Variants in LMOD1 observed in about 807,000 individuals in gnomAD.
LMOD1 encodes the protein leiomodin-1.
Under a neutral mutation model 36.5 loss-of-function variants are expected in LMOD1, and 8 were observed. That is an observed-to-expected ratio of 0.22 (90% CI 0.13 to 0.40). The LOEUF (loss-of-function observed/expected upper bound fraction) is 0.40. LMOD1 is among the 10% of genes least tolerant of loss of function. LMOD1 has a pLI of 1.00. For synonymous variants in LMOD1, 284 were observed against 288.7 expected (o/e 0.98, Z 0.17); for missense variants, 630 against 751.1 (o/e 0.84, Z 1.88).
chr1:201,940,145 G>A (rs1188162609), intron 1 of LMOD1, among the ~76,000 whole-genome samples: 1 of 147,096 alleles, frequency 6.8e-6, no homozygotes, highest in Non-Finnish European at 1.5e-5. Flanking sequence ...CTGTCCATCT[G>A]TCCTGCCTCC....
intron 1 of LMOD1, among the ~76,000 whole-genome samples, chr1:201,901,612 ACATATATATGTGTGTGTG>A: frequency 2.9e-5 from 1 of 34,418 alleles, no homozygotes; most frequent in Non-Finnish European, 5.7e-5. Context: ...ATATATATAC[ACATATATATGTGTGTGTG>A]TATATATATA....
At chr1:201,925,119 G>A (rs1228443737) in intron 1 of LMOD1, among the ~76,000 whole-genome samples, 1 of 152,100 alleles carries the variant, frequency 6.6e-6, no homozygotes, top group Non-Finnish European at 1.5e-5. Flanking sequence ...GGCTCAGGCA[G>A]GAGAATTGCT....
At position 201,897,796 on chromosome 1, in the gene LMOD1, C is replaced by G. The variant is rs1161343213; in HGVS notation, c.*576G>C. 3 of 153,174 alleles carry G rather than the reference C, an allele frequency of 2.0e-5. No homozygotes were observed. In the East Asian group the frequency reaches 5.8e-4, roughly 29 times the overall value. The allele number at this position is 153,174 out of a possible 1,614,324, so 9.5% of individuals were successfully genotyped here. A position where few individuals can be genotyped will look rare whatever the true frequency, so the allele number is the denominator to read the frequency against. Reference sequence around the variant, plus strand: ...CACTCCTCCTGTCTGGAGCCTACTCCCATCAGGCACTGTGCATCCAGGCCA... The same window carrying G: ...CACTCCTCCTGTCTGGAGCCTACTCGCATCAGGCACTGTGCATCCAGGCCA... On this transcript the variant is annotated 3_prime_UTR_variant, in exon 3 of 3. Coordinates refer to ENST00000367288, the MANE Select transcript of LMOD1 (RefSeq NM_012134.3).
intron 1 of LMOD1, among the ~76,000 whole-genome samples, chr1:201,905,548 T>C (rs556299007): frequency 2.6e-5 from 4 of 152,338 alleles, no homozygotes; most frequent in Non-Finnish European, 4.4e-5. Context: ...AAGTTTAAAA[T>C]GAGAACTTGC....
chr1:201,915,585 G>C (rs899164113), intron 1 of LMOD1, among the ~76,000 whole-genome samples: 7 of 152,078 alleles, frequency 4.6e-5, no homozygotes, highest in African/African-American at 1.7e-4. Flanking sequence ...GGGATCTGTG[G>C]GGAGGCAACG....
rs1224148964 is a variant in LMOD1 at position 201,901,645 on chromosome 1, TATAC to T, written c.262-898_262-895del. 4.3e-3 allele frequency among the ~76,000 whole-genome samples: 132 copies of T among 30,856 alleles called. 8 individuals carry two copies. In the South Asian group the frequency reaches 0.047, roughly 11 times the overall value. The allele number at this position is 30,856 out of a possible 152,430, so 20.2% of individuals were successfully genotyped here. ...ATGTGTGTGTGTATATATATATATA[TATAC>T]ATATATATGTGTATATATATATATA... On this transcript the variant is annotated intron_variant, in intron 1 of 2. Transcript: ENST00000367288.
At chr1:201,902,883 T>C (rs1224369296) in intron 1 of LMOD1, among the ~76,000 whole-genome samples, 1 of 152,174 alleles carries the variant, frequency 6.6e-6, no homozygotes, top group East Asian at 1.9e-4. Context: ...GCAGAGGAAG[T>C]GGCAGAGTTA....
At chr1:201,936,986 C>A (rs1478354077) in intron 1 of LMOD1, among the ~76,000 whole-genome samples, 1 of 152,050 alleles carries the variant, frequency 6.6e-6, no homozygotes, top group Non-Finnish European at 1.5e-5. Flanking sequence ...GTAGTGAAGA[C>A]CCTGACTACT....
intron 1 of LMOD1, among the ~76,000 whole-genome samples, chr1:201,919,892 C>T (rs183841754): frequency 5.3e-5 from 8 of 152,240 alleles, no homozygotes; most frequent in Admixed American, 3.3e-4. Flanking sequence ...CCTGCATCAC[C>T]TTCCAGTCCA....
At chr1:201,916,883 G>A (rs1011549802) in intron 1 of LMOD1, among the ~76,000 whole-genome samples, 1 of 152,194 alleles carries the variant, frequency 6.6e-6, no homozygotes, top group East Asian at 1.9e-4. Context: ...GAAACGCCAT[G>A]ATTCATTTTT....
chr1:201,934,483 T>C (rs182890666), intron 1 of LMOD1, among the ~76,000 whole-genome samples: 1 of 152,332 alleles, frequency 6.6e-6, no homozygotes, highest in East Asian at 1.9e-4. Flanking sequence ...TCACTGGTGT[T>C]ATCAGTCTCC....
At chr1:201,926,771 C>G (rs536199351) in intron 1 of LMOD1, among the ~76,000 whole-genome samples, 1 of 152,254 alleles carries the variant, frequency 6.6e-6, no homozygotes, top group South Asian at 2.1e-4. Context: ...AATCCCAGCA[C>G]TTTGGGAGGC....
intron 1 of LMOD1, among the ~76,000 whole-genome samples, chr1:201,912,279 C>T (rs1681508009): frequency 6.6e-6 from 1 of 152,150 alleles, no homozygotes. Flanking sequence ...ATTGCTCCAC[C>T]CCATTTTTAC....
intron 1 of LMOD1, among the ~76,000 whole-genome samples, chr1:201,929,749 G>A (rs2644131): frequency 0.46 from 69,352 of 152,034 alleles, 16,907 homozygotes; most frequent in Non-Finnish European, 0.56. Context: ...CATTAAGCCA[G>A]GGACTGTGTT....
chr1:201,904,520 C>G (rs80039996), intron 1 of LMOD1, among the ~76,000 whole-genome samples: 3 of 152,140 alleles, frequency 2.0e-5, no homozygotes, highest in African/African-American at 4.8e-5. Flanking sequence ...TCAATTTAAC[C>G]TTCTTTCTTC....
At chr1:201,931,893 C>A (rs569953002) in intron 1 of LMOD1, among the ~76,000 whole-genome samples, 1 of 150,840 alleles carries the variant, frequency 6.6e-6, no homozygotes, top group African/African-American at 2.4e-5. Flanking sequence ...AGGGCCAGAC[C>A]CTGTATCAAA....
At chr1:201,912,107 A>C (rs1412000542) in intron 1 of LMOD1, among the ~76,000 whole-genome samples, 4 of 152,176 alleles carry the variant, frequency 2.6e-5, no homozygotes, top group African/African-American at 9.7e-5. Context: ...AGTGAAGGAA[A>C]GTTCCATGCA....
At chr1:201,930,357 G>A (rs55820244) in intron 1 of LMOD1, among the ~76,000 whole-genome samples, 25,926 of 151,998 alleles carry the variant, frequency 0.17, 2,321 homozygotes, top group South Asian at 0.23. Flanking sequence ...GGGAGTAATA[G>A]AAGTTGAATT....
chr1:201,921,833 G>A (rs1224642386), intron 1 of LMOD1, among the ~76,000 whole-genome samples: 7 of 151,936 alleles, frequency 4.6e-5, no homozygotes, highest in Admixed American at 2.6e-4. Context: ...GGTGGTGGGC[G>A]CCTGTAGTCC....
Sources: allele counts gnomAD v4.1 joint callset (sites outside exome capture counted in the v4.1 genomes callset), GRCh38; gene constraint gnomAD v4.1.1; transcripts MANE v1.5; gene names NCBI Gene and HGNC (gene_info 2026-07-23, HGNC 2026-07-21).